The following RASSF4 variants were observed in gnomAD, a reference collection of about 807,000 sequenced individuals.
The protein encoded by RASSF4 is ras association domain-containing protein 4.
Under a neutral mutation model 41.1 loss-of-function variants are expected in RASSF4, and 38 were observed. The ratio of observed to expected loss-of-function variants is 0.92; its 90% CI spans 0.71 to 1.21. RASSF4 has a LOEUF of 1.21. RASSF4 is among the 50% of genes most tolerant of loss of function. The probability of loss-of-function intolerance (pLI) is 0.00; values close to 1 mark genes in which losing one functional copy is unlikely to be tolerated. For missense variants in RASSF4, 414 were observed against 419.4 expected, an observed-to-expected ratio of 0.99 and a Z score of 0.11; for synonymous variants, 179 against 163.4, an observed-to-expected ratio of 1.10 and a Z score of -0.73.
rs751687257 is a variant in RASSF4 at position 44,970,181 on chromosome 10, C to T, written c.-22C>T. The T allele has an allele frequency of 6.2e-7, 1 of 1,609,816 alleles. No homozygotes were observed. The highest frequency in any genetic ancestry group is 2.2e-5 in the East Asian group (1 of 44,870). Reference sequence around the variant, plus strand: ...TCTTCCCAGCAAGTAACTTCTAGGTCTGCAGACAAGAGGAAGAGAAGATGA... The same window carrying T: ...TCTTCCCAGCAAGTAACTTCTAGGTTTGCAGACAAGAGGAAGAGAAGATGA... On this transcript the variant is annotated 5_prime_UTR_variant, in exon 2 of 11. Coordinates refer to ENST00000340258, the MANE Select transcript of RASSF4 (RefSeq NM_032023.4).
rs1381168827 is a variant in RASSF4, at chr10:44,982,610, G to A, written c.228G>A (p.Glu76=). ...PIRLQMQDDR[E]QVHLPSTSWM... ...GGCTGCAGATGCAGGATGACCGGGA[G>A]CAGGTGCACCTCCCCTCCACCTCAT... is the stretch of plus-strand genomic sequence containing the variant. The change falls in exon 4 of 11, where the codon GAG becomes GAA. Residue 76 remains glutamate, a synonymous_variant. Coordinates refer to ENST00000340258, the MANE Select transcript of RASSF4 (RefSeq NM_032023.4). 1.2e-6 allele frequency: 2 copies of A among 1,613,238 alleles called. No individual in the cohort carries two copies. Among genetic ancestry groups the A allele is most frequent in the Non-Finnish European group, 1.7e-6 (2 of 1,179,506 alleles).
chr10:44,987,432 T>A (rs1841960172), intron 6 of RASSF4, among the ~76,000 whole-genome samples: 1 of 152,116 alleles, frequency 6.6e-6, no homozygotes, highest in Non-Finnish European at 1.5e-5. Flanking sequence ...GAAAGCCTAA[T>A]CCTAATCCTG....
At chr10:44,970,682 G>A in intron 2 of RASSF4, 1 of 158,050 alleles carries the variant, frequency 6.3e-6, no homozygotes, top group Non-Finnish European at 1.4e-5. Flanking sequence ...CCTGAAGCTG[G>A]GTAATTTACA....
chr10:44,982,687 A>C, intron 4 of RASSF4, 24 bp downstream of exon 4: 1 of 1,607,694 alleles, frequency 6.2e-7, no homozygotes. Context: ...GGCTTCTGTG[A>C]CACCTGCTCA....
intron 4 of RASSF4, chr10:44,983,701 T>A: frequency 3.3e-6 from 1 of 299,314 alleles, no homozygotes; most frequent in Non-Finnish European, 6.3e-6. Context: ...ACACAGCTGC[T>A]GGCCTGGCTA....
At position 44,991,011 on chromosome 10, in the gene RASSF4, A is replaced by C; in HGVS notation, c.749A>C (p.Glu250Ala). The C allele has an allele frequency of 6.2e-7, 1 of 1,613,748 alleles. No individual in the cohort carries two copies. The highest frequency in any genetic ancestry group is 8.5e-7 in the Non-Finnish European group (1 of 1,179,706). Residue 250 changes from glutamate (E) to alanine (A), a missense_variant, in exon 9 of 11, where the codon GAG becomes GCG. Physicochemically the swap from Glu to Ala is moderately radical, Grantham distance 107. Transcript: ENST00000340258. ...TCCAGAATCCTGCATGGGCCATGTG[A>C]GAAGATCGCCAGGATCTTCCTGATG... ...LISRILHGPC[E>A]KIARIFLMEA...
chr10:44,966,040 C>T (rs985673409), intron 1 of RASSF4, among the ~76,000 whole-genome samples: 1 of 152,226 alleles, frequency 6.6e-6, no homozygotes, highest in Non-Finnish European at 1.5e-5. Flanking sequence ...ACCACCACCT[C>T]ACTGTCAACC....
chr10:44,984,786 C>G (rs1841853290), intron 5 of RASSF4, 27 bp from the exon 6 acceptor site: 1 of 1,610,908 alleles, frequency 6.2e-7, no homozygotes, highest in African/African-American at 1.3e-5. Flanking sequence ...ACCCACCCTG[C>G]CATTCTCTCA....
At chr10:44,971,571 C>CAT (rs768986980) in intron 2 of RASSF4, 2 of 685,504 alleles carry the variant, frequency 2.9e-6, no homozygotes, top group Non-Finnish European at 5.4e-6. Context: ...GCCCGACCCC[C>CAT]ATGCCCCCCA....
chr10:44,991,125 A>G (rs1033026702), intron 9 of RASSF4, 56 bp downstream of exon 9: 2 of 1,536,476 alleles, frequency 1.3e-6, no homozygotes, highest in African/African-American at 2.7e-5. Context: ...TTCTTGGGTG[A>G]CGGGGCCTCC....
At chr10:44,983,880 T>G (rs1588836937) in intron 4 of RASSF4, 142 bp from the exon 5 acceptor site, 1 of 1,426,058 alleles carries the variant, frequency 7.0e-7, no homozygotes, top group African/African-American at 1.4e-5. Context: ...ACTGACTCTC[T>G]TGGTTTGAAA....
At chr10:44,983,629 T>G in intron 4 of RASSF4, 1 of 223,094 alleles carries the variant, frequency 4.5e-6, no homozygotes, top group Non-Finnish European at 9.0e-6. Context: ...GTTGGGCCCT[T>G]CTAGGTGGCC....
At chr10:44,967,629 C>A (rs1403645223) in intron 1 of RASSF4, among the ~76,000 whole-genome samples, 1 of 152,220 alleles carries the variant, frequency 6.6e-6, no homozygotes, top group Non-Finnish European at 1.5e-5. Flanking sequence ...GCTGTATGTG[C>A]ACAGCTTTGG....
In RASSF4 at chr10:44,994,485, T is replaced by C. The variant is rs1842228812; in HGVS notation, c.*1156T>C. The C allele has an allele frequency of 1.3e-5, 2 of 152,530 alleles. No individual in the cohort carries two copies. Among genetic ancestry groups the C allele is most frequent in the South Asian group, 4.1e-4 (2 of 4,834 alleles). The allele number at this position is 152,530 out of a possible 1,614,324, so 9.4% of individuals were successfully genotyped here. A position where few individuals can be genotyped will look rare whatever the true frequency, so the allele number is the denominator to read the frequency against. On this transcript the variant is annotated 3_prime_UTR_variant, in exon 11 of 11. Coordinates refer to ENST00000340258, the MANE Select transcript of RASSF4 (RefSeq NM_032023.4). Reference sequence around the variant, plus strand: ...AAGATAGGAGAGGCTCCATCTCTAATGCATGTAGAAGCTCCTTACGGGTGC... The same window carrying C: ...AAGATAGGAGAGGCTCCATCTCTAACGCATGTAGAAGCTCCTTACGGGTGC...
chr10:44,986,612 C>T (rs143359184), intron 6 of RASSF4, among the ~76,000 whole-genome samples: 13 of 152,362 alleles, frequency 8.5e-5, no homozygotes, highest in African/African-American at 2.4e-4. Flanking sequence ...GTAGCTCCCC[C>T]ACCTCCTGGG....
At chr10:44,993,211 G>A in intron 10 of RASSF4, 58 bp from the exon 11 acceptor site, 4 of 1,501,414 alleles carry the variant, frequency 2.7e-6, no homozygotes, top group Non-Finnish European at 3.7e-6. Context: ...TTGCTCTGCT[G>A]CCCACCTCCC....
rs1842253437 is a variant in RASSF4, at chr10:44,995,721, A to C, written c.*2392A>C. The C allele has an allele frequency of 6.6e-6, 1 of 152,166 alleles. No individual in the cohort carries two copies. Among genetic ancestry groups the C allele is most frequent in the Non-Finnish European group, 1.5e-5 (1 of 68,032 alleles). 9.4% of individuals were successfully genotyped at this position (152,166 alleles called of 1,614,324 possible). On this transcript the variant is annotated 3_prime_UTR_variant, in exon 11 of 11. Transcript: ENST00000340258. ...AGGCAATCTGAAAAGCTGCAAATTC[A>C]GCTCACCTCAACCCCATAATTTCAA...
intron 9 of RASSF4, 173 bp downstream of exon 9, chr10:44,991,242 T>C (rs1022640005): frequency 3.2e-5 from 16 of 497,998 alleles, no homozygotes; most frequent in Admixed American, 1.0e-4. Context: ...CCCTCTCCCA[T>C]CAGTGACCGC....
intron 6 of RASSF4, among the ~76,000 whole-genome samples, chr10:44,988,607 G>A (rs919344557): frequency 2.6e-5 from 4 of 152,222 alleles, no homozygotes; most frequent in East Asian, 3.8e-4. Flanking sequence ...TTTTAGACCC[G>A]CGCTTTCAAA....
Sources: allele counts gnomAD v4.1 joint callset (sites outside exome capture counted in the v4.1 genomes callset), GRCh38; gene constraint gnomAD v4.1.1; transcripts MANE v1.5; gene names NCBI Gene and HGNC (gene_info 2026-07-23, HGNC 2026-07-21).